TNRC6B: variants seen among roughly 807,000 people sequenced by gnomAD.
TNRC6B encodes trinucleotide repeat-containing gene 6B protein.
A neutral mutation model predicts 203.6 loss-of-function variants in TNRC6B; 52 were observed. The observed-to-expected ratio is 0.26, with a 90% CI of 0.20 to 0.32. TNRC6B has a LOEUF of 0.32. TNRC6B is among the 10% of genes least tolerant of loss of function. TNRC6B has a pLI of 1.00. For synonymous variants in TNRC6B, 838 were observed against 845.7 expected, an observed-to-expected ratio of 0.99 and a Z score of 0.16; for missense variants, 1,923 against 2,286.2, an observed-to-expected ratio of 0.84 and a Z score of 3.24.
At chr22:40,213,636 C>T (rs1172419815) in intron 1 of TNRC6B, among the ~76,000 whole-genome samples, 1 of 152,164 alleles carries the variant, frequency 6.6e-6, no homozygotes, top group Non-Finnish European at 1.5e-5. Flanking sequence ...TAATAACAAT[C>T]ACAGTGATAA....
intron 1 of TNRC6B, among the ~76,000 whole-genome samples, chr22:40,091,489 GCAAAGTCTTGTGTGA>G (rs1421696473): frequency 2.0e-5 from 3 of 151,964 alleles, no homozygotes; most frequent in African/African-American, 7.3e-5. Flanking sequence ...GCACAGCAAA[GCAAAGTCTTGTGTGA>G]CATTTACGAG....
chr22:40,257,543 C>G (rs2070299136), intron 3 of TNRC6B, among the ~76,000 whole-genome samples: 1 of 149,328 alleles, frequency 6.7e-6, no homozygotes, highest in Non-Finnish European at 1.5e-5. Context: ...ATGGTGAAAC[C>G]CCGTCTCTAC....
At chr22:40,221,745 C>T (rs9607695) in intron 1 of TNRC6B, among the ~76,000 whole-genome samples, 2 of 133,092 alleles carry the variant, frequency 1.5e-5, no homozygotes, top group African/African-American at 5.4e-5. Context: ...GGCCCACCTT[C>T]TTATTGCCCC....
intron 17 of TNRC6B, 129 bp from the exon 18 acceptor site, chr22:40,312,376 A>T: frequency 2.0e-6 from 2 of 1,006,664 alleles, no homozygotes; most frequent in South Asian, 1.9e-5. Context: ...TAATTTTGTG[A>T]TGAAAATCTA....
Position 40,295,335 on chromosome 22 carries a change from G to A in TNRC6B, c.3709-5120G>A, listed in dbSNP as rs186105657. On this transcript the variant is annotated intron_variant, in intron 12 of 22. Transcript: ENST00000454349. Reference sequence around the variant, plus strand: ...TATTAAAAAATACAAAAAGGTAAGCGTGGTGGCGGGCACCCGTAATCCCAG... The same window carrying A: ...TATTAAAAAATACAAAAAGGTAAGCATGGTGGCGGGCACCCGTAATCCCAG... 2.1e-3 allele frequency among the ~76,000 whole-genome samples: 321 copies of A among 152,112 alleles called. 2 individuals are homozygous for A. The highest frequency in any genetic ancestry group is 7.2e-3 in the African/African-American group (298 of 41,514).
intron 1 of TNRC6B, among the ~76,000 whole-genome samples, chr22:40,198,105 G>GA (rs1312618097): frequency 6.6e-6 from 1 of 152,040 alleles, no homozygotes; most frequent in Non-Finnish European, 1.5e-5. Flanking sequence ...CTATAACGAA[G>GA]AAAATAGAAG....
rs2070344822 is a variant in TNRC6B at position 40,259,671 on chromosome 22, G to A, written c.116-2161G>A. 2.0e-5 allele frequency among the ~76,000 whole-genome samples: 3 copies of A among 152,192 alleles called. No individual in the cohort carries two copies. The South Asian group carries it at 6.2e-4, about 31-fold the overall frequency. ...ATGGGGTTACCTGGAAATTGCTGCA[G>A]GCACCTGCTCTTTTCTCCTGTCACC... On this transcript the variant is annotated intron_variant, in intron 3 of 22. Coordinates refer to ENST00000454349, the MANE Select transcript of TNRC6B (RefSeq NM_001162501.2).
intron 4 of TNRC6B, among the ~76,000 whole-genome samples, chr22:40,160,214 C>A (rs376940599): frequency 6.6e-6 from 1 of 152,106 alleles, no homozygotes; most frequent in Non-Finnish European, 1.5e-5. Context: ...CGGTGACTCA[C>A]GCCTGTAATC....
chr22:40,251,107 C>A (rs541429113), intron 2 of TNRC6B, 72 bp from the exon 3 acceptor site: 2 of 1,337,112 alleles, frequency 1.5e-6, no homozygotes, highest in South Asian at 1.4e-5. Context: ...AGTTATCAGA[C>A]TAAAGTAGTC....
intron 1 of TNRC6B, among the ~76,000 whole-genome samples, chr22:40,211,799 T>A (rs2069567753): frequency 6.6e-6 from 1 of 152,184 alleles, no homozygotes; most frequent in African/African-American, 2.4e-5. Flanking sequence ...ATCTCCATTT[T>A]ATATGTCAGG....
chr22:40,276,899 G>T (rs181280929), intron 7 of TNRC6B, 178 bp from the exon 8 acceptor site: 3 of 408,688 alleles, frequency 7.3e-6, no homozygotes, highest in African/African-American at 4.1e-5. Flanking sequence ...TGAAAACATA[G>T]ATATAACTAG....
intron 1 of TNRC6B, among the ~76,000 whole-genome samples, chr22:40,220,827 G>A (rs1416610207): frequency 6.6e-6 from 1 of 152,170 alleles, no homozygotes; most frequent in Non-Finnish European, 1.5e-5. Flanking sequence ...TGGTGTGTTT[G>A]GAGAGCAGTT....
rs1383659720 is a variant in TNRC6B, at chr22:40,328,250, CTAGT to C, written c.*5015_*5018del. On this transcript the variant is annotated 3_prime_UTR_variant, in exon 23 of 23. Transcript: ENST00000454349. ...CAATAAATCACTTATCCATTTATTG[CTAGT>C]TAGTTTTATTTATAGCAACTTGATT... is the stretch of plus-strand genomic sequence containing the variant. 4 of 152,284 alleles carry C rather than the reference CTAGT, an allele frequency of 2.6e-5. No homozygotes were observed. The highest frequency in any genetic ancestry group is 5.9e-5 in the Non-Finnish European group (4 of 68,018). 9.4% of individuals were successfully genotyped at this position (152,284 alleles called of 1,614,324 possible). A position where few individuals can be genotyped will look rare whatever the true frequency, so the allele number is the denominator to read the frequency against.
At chr22:40,257,046 G>A (rs916883104) in intron 3 of TNRC6B, among the ~76,000 whole-genome samples, 1 of 152,176 alleles carries the variant, frequency 6.6e-6, no homozygotes, top group Non-Finnish European at 1.5e-5. Flanking sequence ...AAATTGTTCA[G>A]TACACATTGA....
chr22:40,322,885 G>A lies in TNRC6B; in HGVS notation c.5146G>A (p.Glu1716Lys). ...GTTGGGAAACACTACCATCCTTGCT[G>A]AGTTTGCCACTGATGATGAAGTCAG... ...CVLGNTTILAEFATDDEVSRF... is the reference protein window; with the variant it reads ...CVLGNTTILAKFATDDEVSRF... Residue 1716 changes from glutamate to lysine, a missense_variant, in exon 23 of 23, where the codon GAG becomes AAG. Coordinates refer to ENST00000454349, the MANE Select transcript of TNRC6B (RefSeq NM_001162501.2). 6.2e-7 allele frequency: 1 copy of A among 1,613,988 alleles called. No homozygotes were observed. Among genetic ancestry groups the A allele is most frequent in the Non-Finnish European group, 8.5e-7 (1 of 1,179,908 alleles).
Position 40,266,091 on chromosome 22 carries a change from A to G in TNRC6B, c.1861A>G (p.Thr621Ala), listed in dbSNP as rs369943132. ...TDLDPRVLSN[T>A]GWGQTQIKQD... ...TTTGGACCCCAGGGTGCTCTCAAAC[A>G]CTGGCTGGGGCCAAACTCAAATTAA... Residue 621 changes from threonine (T) to alanine (A), a missense_variant, in exon 5 of 23, where the codon ACT becomes GCT. By Grantham distance (58) the Thr-to-Ala change is moderately conservative. Around this residue, in one of 8 missense-constraint regions of TNRC6B, gnomAD observed 38 missense variants for 70.3 expected, o/e 0.54. Transcript: ENST00000454349. The G allele has an allele frequency of 1.2e-6, 2 of 1,613,724 alleles. No homozygotes were observed. Among genetic ancestry groups the G allele is most frequent in the Non-Finnish European group, 1.7e-6 (2 of 1,179,914 alleles).
intron 1 of TNRC6B, among the ~76,000 whole-genome samples, chr22:40,212,132 C>G (rs757283748): frequency 6.6e-6 from 1 of 152,222 alleles, no homozygotes; most frequent in Non-Finnish European, 1.5e-5. Context: ...TTTATCTCCT[C>G]TCATTTACTT....
intron 1 of TNRC6B, among the ~76,000 whole-genome samples, chr22:40,076,126 T>G (rs1293328455): frequency 6.6e-6 from 1 of 152,220 alleles, no homozygotes; most frequent in Admixed American, 6.5e-5. Flanking sequence ...GTACTAAAGA[T>G]TTCTTCTAGG....
chr22:40,265,122 G>C lies in TNRC6B; in HGVS notation c.892G>C (p.Gly298Arg), dbSNP rs753092659. The C allele has an allele frequency of 6.2e-7, 1 of 1,613,942 alleles. No homozygotes were observed. The highest frequency in any genetic ancestry group is 1.1e-5 in the South Asian group (1 of 91,080). The change falls in exon 5 of 23, where the codon GGC (glycine) becomes CGC (arginine). Residue 298 changes from glycine (G) to arginine (R), a missense_variant. Transcript: ENST00000454349. ...SGQDRIGPGS[G>R]FSNFNPNSNP... is the part of the protein sequence containing the mutation. Reference sequence around the variant, plus strand: ...TCAGGATAGAATTGGACCTGGCTCTGGCTTCAGCAACTTTAACCCAAATAG... The same window carrying C: ...TCAGGATAGAATTGGACCTGGCTCTCGCTTCAGCAACTTTAACCCAAATAG...
Sources: gnomAD v4.1 joint callset for allele counts (sites outside exome capture counted in the v4.1 genomes callset) on GRCh38, gnomAD v4.1.1 for gene constraint, gnomAD v4.1.1 regional missense constraint, MANE v1.5 for transcripts, NCBI Gene and HGNC (gene_info 2026-07-23, HGNC 2026-07-21) for gene names.